Variants in SCAF8 observed in about 807,000 individuals in gnomAD.
SCAF8 encodes SR-related and CTD-associated factor 8.
Under a neutral mutation model 140.5 loss-of-function variants are expected in SCAF8, and 23 were observed. That is an observed-to-expected ratio of 0.16 (90% CI 0.12 to 0.23). The LOEUF is 0.23. Ranked by LOEUF, SCAF8 falls within the 10% of genes least tolerant of loss-of-function variation. The pLI, the probability that SCAF8 is intolerant of heterozygous loss-of-function variation, is 1.00. For synonymous variants in SCAF8, 575 were observed against 528.9 expected, an observed-to-expected ratio of 1.09 and a Z score of -1.20; for missense variants, 1,397 against 1,555.7, an observed-to-expected ratio of 0.90 and a Z score of 1.72.
At chr6:154,830,802 A>G (rs1232192873) in intron 18 of SCAF8, 120 bp from the exon 19 acceptor site, 3 of 629,800 alleles carry the variant, frequency 4.8e-6, no homozygotes, top group Non-Finnish European at 8.2e-6. Context: ...AGCATTGGTT[A>G]TTATATAATG....
At chr6:154,806,478 A>G (rs897961197) in intron 9 of SCAF8, among the ~76,000 whole-genome samples, 4 of 152,196 alleles carry the variant, frequency 2.6e-5, no homozygotes, top group African/African-American at 9.6e-5. Context: ...ACATACAGAG[A>G]TGAACAGAAA....
chr6:154,826,332 T>A (rs1778566600), intron 17 of SCAF8, among the ~76,000 whole-genome samples: 1 of 152,158 alleles, frequency 6.6e-6, no homozygotes, highest in Admixed American at 6.5e-5. Context: ...CATGTATTTT[T>A]ATTCTTTCCT....
chr6:154,812,940 G>A (rs781314354), intron 12 of SCAF8, among the ~76,000 whole-genome samples: 1 of 151,856 alleles, frequency 6.6e-6, no homozygotes, highest in Non-Finnish European at 1.5e-5. Flanking sequence ...GCTCACACCT[G>A]TAATCCAAGC....
chr6:154,735,034 G>A (rs979974211), intron 1 of SCAF8, among the ~76,000 whole-genome samples: 1 of 151,658 alleles, frequency 6.6e-6, no homozygotes, highest in East Asian at 1.9e-4. Flanking sequence ...TGAGGCAGGA[G>A]AATCGCTTGA....
intron 17 of SCAF8, among the ~76,000 whole-genome samples, chr6:154,826,768 C>T (rs1778577378): frequency 6.6e-6 from 1 of 152,112 alleles, no homozygotes; most frequent in Admixed American, 6.5e-5. Flanking sequence ...TGAAGATTTA[C>T]TTCAGTGCTT....
intron 18 of SCAF8, among the ~76,000 whole-genome samples, chr6:154,828,254 A>C (rs1452876322): frequency 6.6e-6 from 1 of 152,180 alleles, no homozygotes; most frequent in African/African-American, 2.4e-5. Context: ...ATGAAGAAAA[A>C]GTTTTCCTTA....
chr6:154,794,975 AT>A (rs752108017), intron 5 of SCAF8, 33 bp from the exon 6 acceptor site: 11 of 1,554,936 alleles, frequency 7.1e-6, no homozygotes, highest in Non-Finnish European at 8.7e-6. Flanking sequence ...TTACTTACAT[AT>A]TTATTTGGGG....
chr6:154,753,011 TG>T (rs1006400255), intron 1 of SCAF8, among the ~76,000 whole-genome samples: 20 of 151,378 alleles, frequency 1.3e-4, no homozygotes, highest in African/African-American at 3.2e-4. Context: ...GTTTTTGTTT[TG>T]TTTTTTTTTT....
At chr6:154,822,845 C>G (rs1034132065) in intron 16 of SCAF8, among the ~76,000 whole-genome samples, 68 of 152,232 alleles carry the variant, frequency 4.5e-4, no homozygotes, top group African/African-American at 1.6e-3. Flanking sequence ...TTCTAGGTAT[C>G]AGTGAAAAAC....
chr6:154,824,998 A>G (rs1307210473), intron 17 of SCAF8: 1 of 152,144 alleles, frequency 6.6e-6, no homozygotes, highest in Non-Finnish European at 1.5e-5. Context: ...AAAGTAATGT[A>G]AAATTTCCAT....
At chr6:154,744,398 A>G (rs911134483) in intron 1 of SCAF8, among the ~76,000 whole-genome samples, 3 of 152,196 alleles carry the variant, frequency 2.0e-5, no homozygotes, top group South Asian at 2.1e-4. Flanking sequence ...AAAGAAAAAA[A>G]AGGAGGTATT....
chr6:154,760,142 A>T (rs1041282653), intron 1 of SCAF8, among the ~76,000 whole-genome samples: 3 of 152,054 alleles, frequency 2.0e-5, no homozygotes, highest in African/African-American at 7.2e-5. Context: ...AAAATGTAAA[A>T]AATTAGCCAG....
At chr6:154,760,577 G>A (rs1776354975) in intron 1 of SCAF8, among the ~76,000 whole-genome samples, 1 of 152,078 alleles carries the variant, frequency 6.6e-6, no homozygotes, top group Non-Finnish European at 1.5e-5. Flanking sequence ...TCTGCTAACT[G>A]TGTCTATTAG....
intron 1 of SCAF8, among the ~76,000 whole-genome samples, chr6:154,744,997 G>A (rs1464221868): frequency 6.6e-6 from 1 of 152,116 alleles, no homozygotes; most frequent in Non-Finnish European, 1.5e-5. Context: ...ATAGTACAAT[G>A]ATCAAAATCA....
rs181945094 is a variant in SCAF8, at chr6:154,817,115, C to A, written c.1521+1299C>A. Reference sequence around the variant, plus strand: ...TCTCTGAAGTTTCTTTCTGATTTACCCCTACCTTTAAACTAGTGATTCTCA... The same window carrying A: ...TCTCTGAAGTTTCTTTCTGATTTACACCTACCTTTAAACTAGTGATTCTCA... On this transcript the variant is annotated intron_variant, in intron 13 of 19. Coordinates refer to ENST00000367178, the MANE Select transcript of SCAF8 (RefSeq NM_014892.5). Among the ~76,000 whole-genome samples, 1,056 of 152,192 alleles carry A rather than the reference C, an allele frequency of 6.9e-3. 16 individuals are homozygous for A. Among genetic ancestry groups the A allele is most frequent in the African/African-American group, 0.024 (1,009 of 41,530 alleles).
At chr6:154,822,120 C>G (rs1778436594) in intron 15 of SCAF8, 156 bp from the exon 16 acceptor site, 1 of 629,606 alleles carries the variant, frequency 1.6e-6, no homozygotes, top group Non-Finnish European at 2.6e-6. Context: ...TCAGATTAAT[C>G]TGGGCAGAAA....
chr6:154,787,781 C>A, intron 3 of SCAF8, 80 bp from the exon 4 acceptor site: 1 of 1,186,104 alleles, frequency 8.4e-7, no homozygotes, highest in Non-Finnish European at 1.2e-6. Context: ...TGTATTTACA[C>A]AGGATTTTTG....
chr6:154,765,751 A>G (rs1776545255), intron 1 of SCAF8, among the ~76,000 whole-genome samples: 1 of 152,204 alleles, frequency 6.6e-6, no homozygotes, highest in African/African-American at 2.4e-5. Context: ...ATTTTTATCA[A>G]CCTTCTTTAA....
rs751466110 is a variant in SCAF8 at position 154,799,777 on chromosome 6, A to G, written c.607-2194A>G. ...TTTAATAAGGCCTTCAGTGACTGCT[A>G]TTTATTTATTTATTTATTTATTTAG... is the stretch of plus-strand genomic sequence containing the variant. On this transcript the variant is annotated intron_variant, in intron 6 of 19. Transcript: ENST00000367178. Among the ~76,000 whole-genome samples the G allele has an allele frequency of 3.4e-4, 47 of 139,054 alleles. 1 individual carries two copies. The highest frequency in any genetic ancestry group is 4.1e-3 in the Middle Eastern group (1 of 242). The allele number at this position is 139,054 out of a possible 152,430, so 91.2% of individuals were successfully genotyped here. A position where few individuals can be genotyped will look rare whatever the true frequency, so the allele number is the denominator to read the frequency against.
Sources: gnomAD v4.1 joint callset for allele counts (sites outside exome capture counted in the v4.1 genomes callset) on GRCh38, gnomAD v4.1.1 for gene constraint, MANE v1.5 for transcripts, NCBI Gene and HGNC (gene_info 2026-07-23, HGNC 2026-07-21) for gene names.